HS3ST2: variants seen among roughly 807,000 people sequenced by gnomAD.
HS3ST2 encodes heparan sulfate glucosamine 3-O-sulfotransferase 2.
Under a neutral mutation model 26.3 loss-of-function variants are expected in HS3ST2, and 17 were observed. The observed-to-expected ratio is 0.65, with a 90% CI of 0.44 to 0.97. HS3ST2 has a LOEUF of 0.97. Ranked by LOEUF, HS3ST2 falls within the 50% of genes least tolerant of loss-of-function variation. HS3ST2 has a pLI of 0.00. For missense variants in HS3ST2, 402 were observed against 501.2 expected (o/e 0.80, Z 1.89); for synonymous variants, 237 against 219.2 (o/e 1.08, Z -0.72).
At chr16:22,885,865 C>T (rs1462814364) in intron 1 of HS3ST2, among the ~76,000 whole-genome samples, 3 of 152,072 alleles carry the variant, frequency 2.0e-5, no homozygotes, top group African/African-American at 4.8e-5. Flanking sequence ...GGTCACTGGT[C>T]GACAAAATGC....
At chr16:22,875,640 A>G (rs1901905521) in intron 1 of HS3ST2, among the ~76,000 whole-genome samples, 1 of 152,176 alleles carries the variant, frequency 6.6e-6, no homozygotes, top group Non-Finnish European at 1.5e-5. Context: ...TCGGCCTCCC[A>G]AAATACTGGG....
At chr16:22,885,493 C>G (rs776723723) in intron 1 of HS3ST2, among the ~76,000 whole-genome samples, 3 of 151,452 alleles carry the variant, frequency 2.0e-5, no homozygotes, top group Non-Finnish European at 2.9e-5. Flanking sequence ...TCTCACTCTG[C>G]TGCCCAGGCT....
chr16:22,874,113 G>C (rs973073261), intron 1 of HS3ST2, among the ~76,000 whole-genome samples: 6 of 152,166 alleles, frequency 3.9e-5, no homozygotes, highest in African/African-American at 9.7e-5. Context: ...CTACCAGAGG[G>C]GTTAATACAG....
At chr16:22,821,765 G>A (rs1355412374) in intron 1 of HS3ST2, among the ~76,000 whole-genome samples, 4 of 152,162 alleles carry the variant, frequency 2.6e-5, no homozygotes, top group African/African-American at 9.7e-5. Flanking sequence ...GCACTGTGAG[G>A]TTCACAAGCA....
Position 22,861,068 on chromosome 16 carries a change from G to A in HS3ST2, c.485+45973G>A, listed in dbSNP as rs546052647. Among the ~76,000 whole-genome samples the A allele has an allele frequency of 3.3e-5, 5 of 151,850 alleles. No homozygotes were observed. The South Asian group carries it at 8.3e-4, about 25-fold the overall frequency. ...TTTAAAAATTTTTTTGTAGATATAG[G>A]GCCTCACTATGTTGCCCAGGCTGAT... On this transcript the variant is annotated intron_variant, in intron 1 of 1. Coordinates refer to ENST00000261374, the MANE Select transcript of HS3ST2 (RefSeq NM_006043.2).
chr16:22,877,175 A>G (rs908703899), intron 1 of HS3ST2, among the ~76,000 whole-genome samples: 8 of 152,122 alleles, frequency 5.3e-5, no homozygotes, highest in Non-Finnish European at 2.9e-5. Flanking sequence ...TGGCTGGGAG[A>G]TATGACTTAA....
chr16:22,863,082 T>G (rs1327494101), intron 1 of HS3ST2, among the ~76,000 whole-genome samples: 1 of 152,214 alleles, frequency 6.6e-6, no homozygotes, highest in Non-Finnish European at 1.5e-5. Flanking sequence ...GCACTAGTAA[T>G]TGCAAATAAG....
At chr16:22,899,654 C>T (rs912368836) in intron 1 of HS3ST2, among the ~76,000 whole-genome samples, 1 of 152,030 alleles carries the variant, frequency 6.6e-6, no homozygotes, top group Non-Finnish European at 1.5e-5. Flanking sequence ...CACAGTTCAG[C>T]GTGGCTGAGG....
intron 1 of HS3ST2, among the ~76,000 whole-genome samples, chr16:22,822,724 G>A (rs923059418): frequency 4.6e-5 from 7 of 151,938 alleles, no homozygotes; most frequent in East Asian, 1.9e-4. Flanking sequence ...GCGTGGTGGC[G>A]TGCGCCTGTA....
At chr16:22,875,420 G>A (rs562851886) in intron 1 of HS3ST2, among the ~76,000 whole-genome samples, 6 of 151,464 alleles carry the variant, frequency 4.0e-5, no homozygotes, top group Admixed American at 2.0e-4. Flanking sequence ...TCGCTCTGTC[G>A]CCCAGGCTGG....
chr16:22,842,028 G>A (rs1901365290), intron 1 of HS3ST2, among the ~76,000 whole-genome samples: 1 of 138,888 alleles, frequency 7.2e-6, no homozygotes, highest in Non-Finnish European at 1.6e-5. Flanking sequence ...TATCTTTGGT[G>A]TTCTGTAATG....
intron 1 of HS3ST2, among the ~76,000 whole-genome samples, chr16:22,882,460 G>A (rs1223281577): frequency 6.6e-6 from 1 of 152,204 alleles, no homozygotes; most frequent in Non-Finnish European, 1.5e-5. Context: ...ATCACTGGGT[G>A]CAGTGGCTCA....
intron 1 of HS3ST2, among the ~76,000 whole-genome samples, chr16:22,826,328 A>G (rs1313429031): frequency 6.6e-6 from 1 of 152,042 alleles, no homozygotes. Flanking sequence ...TACAGGGATC[A>G]TTCTTCCCCC....
At position 22,915,993 on chromosome 16, in the gene HS3ST2, T is replaced by G. The variant is rs1902491415; in HGVS notation, c.*431T>G. 5.9e-6 allele frequency: 1 copy of G among 170,754 alleles called. No individual in the cohort carries two copies. The highest frequency in any genetic ancestry group is 2.4e-5 in the African/African-American group (1 of 41,674). The allele number at this position is 170,754 out of a possible 1,614,324, so 10.6% of individuals were successfully genotyped here. On this transcript the variant is annotated 3_prime_UTR_variant, in exon 2 of 2. Transcript: ENST00000261374. ...GTGGCATGTATCTTCCCTCTGAGCT[T>G]CATTTCTTCAAGATGCTCTGGGTGG...
intron 1 of HS3ST2, among the ~76,000 whole-genome samples, chr16:22,885,537 C>A (rs545964832): frequency 4.9e-4 from 74 of 151,632 alleles, no homozygotes; most frequent in African/African-American, 1.8e-3. Context: ...CTCACGGCAA[C>A]CTCCGCCTCC....
intron 1 of HS3ST2, among the ~76,000 whole-genome samples, chr16:22,837,642 T>C (rs201171175): frequency 1.4e-5 from 2 of 143,484 alleles, no homozygotes; most frequent in African/African-American, 5.3e-5. Flanking sequence ...CACACACACA[T>C]ATATGTATGC....
At chr16:22,878,500 C>T (rs1901947974) in intron 1 of HS3ST2, among the ~76,000 whole-genome samples, 3 of 152,012 alleles carry the variant, frequency 2.0e-5, no homozygotes, top group South Asian at 4.2e-4. Flanking sequence ...AGGGATTAAC[C>T]AGCTGGGTCT....
chr16:22,874,400 G>A (rs1365553908), intron 1 of HS3ST2, among the ~76,000 whole-genome samples: 1 of 152,226 alleles, frequency 6.6e-6, no homozygotes, highest in African/African-American at 2.4e-5. Flanking sequence ...TCTCAGATTT[G>A]TGTGGAATTT....
At chr16:22,912,145 A>G (rs1343774509) in intron 1 of HS3ST2, among the ~76,000 whole-genome samples, 1 of 152,126 alleles carries the variant, frequency 6.6e-6, no homozygotes, top group African/African-American at 2.4e-5. Flanking sequence ...AAAAACCCCA[A>G]AACAGAACAA....
Sources: gnomAD v4.1 joint callset for allele counts (sites outside exome capture counted in the v4.1 genomes callset) on GRCh38, gnomAD v4.1.1 for gene constraint, MANE v1.5 for transcripts, NCBI Gene and HGNC (gene_info 2026-07-23, HGNC 2026-07-21) for gene names.